Variants in RYR1 observed in about 807,000 individuals in gnomAD.
RYR1 encodes central core disease of muscle.
RYR1 carries 342 observed loss-of-function variants against 583.5 expected under a neutral mutation model. That is an observed-to-expected ratio of 0.59 (90% CI 0.54 to 0.64). RYR1 has a LOEUF of 0.64. Ranked by LOEUF, RYR1 falls within the 30% of genes least tolerant of loss-of-function variation. The probability of loss-of-function intolerance (pLI) is 0.00; values close to 1 mark genes in which losing one functional copy is unlikely to be tolerated. For synonymous variants in RYR1, 2,791 were observed against 2,822.5 expected, an observed-to-expected ratio of 0.99 and a Z score of 0.35; for missense variants, 6,032 against 6,917.2, an observed-to-expected ratio of 0.87 and a Z score of 4.54.
chr19:38,501,279 CA>C (rs1289371022), intron 47 of RYR1, among the ~76,000 whole-genome samples: 1 of 152,032 alleles, frequency 6.6e-6, no homozygotes. Flanking sequence ...GCGAGCGGAT[CA>C]CAAGGTCAGG....
intron 31 of RYR1, among the ~76,000 whole-genome samples, chr19:38,482,366 GAC>G (rs1969051459): frequency 6.6e-6 from 1 of 152,142 alleles, no homozygotes; most frequent in African/African-American, 2.4e-5. Flanking sequence ...CTGCTTCAGA[GAC>G]AATGTTGTTT....
chr19:38,553,541 T>G (rs1972756003), intron 89 of RYR1, among the ~76,000 whole-genome samples: 1 of 151,294 alleles, frequency 6.6e-6, no homozygotes, highest in African/African-American at 2.4e-5. Context: ...TCCCAGCTCC[T>G]CTGGAGGCTG....
At position 38,578,124 on chromosome 19, in the gene RYR1, C is replaced by T; in HGVS notation, c.14304-20C>T. 1 of 1,524,578 alleles carries T rather than the reference C, an allele frequency of 6.6e-7. No individual in the cohort carries two copies. Among genetic ancestry groups the T allele is most frequent in the Non-Finnish European group, 9.1e-7 (1 of 1,098,738 alleles). 94.4% of individuals were successfully genotyped at this position (1,524,578 alleles called of 1,614,324 possible). ...TGGAGTCTGACACTCAAGCATCTCT[C>T]CCCACCCCCGCCCCCACAGGCTCAT... is the stretch of plus-strand genomic sequence containing the variant. On this transcript the variant is annotated intron_variant, in intron 98 of 105. Coordinates refer to ENST00000359596, the MANE Select transcript of RYR1 (RefSeq NM_000540.3).
intron 84 of RYR1, among the ~76,000 whole-genome samples, chr19:38,540,353 C>T (rs1032168708): frequency 6.7e-6 from 1 of 149,140 alleles, no homozygotes; most frequent in Non-Finnish European, 1.5e-5. Context: ...AATAAACCTC[C>T]AATCATATAC....
chr19:38,503,230 A>G (rs1441179559), intron 49 of RYR1, among the ~76,000 whole-genome samples: 1 of 152,200 alleles, frequency 6.6e-6, no homozygotes, highest in African/African-American at 2.4e-5. Context: ...CCCCCGCTTC[A>G]ATTAGCATAT....
Position 38,500,837 on chromosome 19 carries a change from G to T in RYR1, c.7461G>T (p.Gln2487His), listed in dbSNP as rs768647526. Residue 2487 changes from glutamine to histidine, a missense_variant, in exon 47 of 106, where the codon CAG becomes CAT. Gln to His is a conservative substitution (Grantham distance 24). Transcript: ENST00000359596. The surrounding 1 kb of genome is among the most constrained non-coding windows in gnomAD (Gnocchi z 5.9). Reference sequence around the variant, plus strand: ...TGCCTGCAGATGGGGCTCTGGTGCAGCCAAAGATGTCAGCATCCTTCGTGC... The same window carrying T: ...TGCCTGCAGATGGGGCTCTGGTGCATCCAAAGATGTCAGCATCCTTCGTGC... ...PTLGKDGALVQPKMSASFVPD... is the reference protein window; with the variant it reads ...PTLGKDGALVHPKMSASFVPD... The T allele has an allele frequency of 1.2e-6, 2 of 1,613,734 alleles. No individual in the cohort carries two copies. The highest frequency in any genetic ancestry group is 2.2e-5 in the East Asian group (1 of 44,844).
chr19:38,492,376 AAGG>A, intron 37 of RYR1, 111 bp from the exon 38 acceptor site: 1 of 1,198,602 alleles, frequency 8.3e-7, no homozygotes, highest in South Asian at 1.4e-5. Context: ...AAAAAAAAAA[AAGG>A]AAATGAAAAA....
At chr19:38,489,578 A>G (rs752319984) in intron 35 of RYR1, 135 bp downstream of exon 35, 21 of 902,924 alleles carry the variant, frequency 2.3e-5, no homozygotes, top group Non-Finnish European at 3.7e-5. Context: ...AGCAATGCCA[A>G]CTTGGAAAGA....
intron 28 of RYR1, 41 bp from the exon 29 acceptor site, chr19:38,475,277 T>C: frequency 6.4e-7 from 1 of 1,552,374 alleles, no homozygotes; most frequent in Non-Finnish European, 8.7e-7. Context: ...AGGGCTGGGC[T>C]TGAAAGCTGG....
rs1970337725 is a variant in RYR1 at position 38,504,263 on chromosome 19, T to A, written c.7970T>A (p.Leu2657Gln). The change falls in exon 50 of 106, where the codon CTA (leucine) becomes CAA (glutamine). Residue 2657 changes from leucine (L) to glutamine (Q), a missense_variant. Coordinates refer to ENST00000359596, the MANE Select transcript of RYR1 (RefSeq NM_000540.3). Reference sequence around the variant, plus strand: ...GAGCGCTGTTGGAAGTACTACTGCCTACCCACGGGCTGGGCCAACTTCGGG... The same window carrying A: ...GAGCGCTGTTGGAAGTACTACTGCCAACCCACGGGCTGGGCCAACTTCGGG... ...HYERCWKYYC[L>Q]PTGWANFGVT... The A allele has an allele frequency of 1.1e-5, 18 of 1,614,086 alleles. No individual in the cohort carries two copies. Among genetic ancestry groups the A allele is most frequent in the Non-Finnish European group, 1.4e-5 (16 of 1,180,008 alleles).
chr19:38,459,078 C>G (rs547641224), intron 18 of RYR1, 68 bp from the exon 19 acceptor site: 1 of 1,399,298 alleles, frequency 7.1e-7, no homozygotes. Flanking sequence ...ATATCTGTCC[C>G]TTTTCTCTTG....
At chr19:38,569,518 TCACTC>T (rs1973616053) in intron 93 of RYR1, among the ~76,000 whole-genome samples, 1 of 151,214 alleles carries the variant, frequency 6.6e-6, no homozygotes, top group South Asian at 2.1e-4. Context: ...TTGTGTCACT[TCACTC>T]CAACCTGGGT....
chr19:38,514,805 C>T (rs937746439), intron 63 of RYR1, among the ~76,000 whole-genome samples: 12 of 152,066 alleles, frequency 7.9e-5, no homozygotes, highest in Admixed American at 6.6e-4. Context: ...ACGACCACCC[C>T]GTGAGGAAGG....
intron 29 of RYR1, among the ~76,000 whole-genome samples, chr19:38,476,685 C>T (rs752979589): frequency 1.4e-4 from 22 of 152,258 alleles, no homozygotes; most frequent in Non-Finnish European, 2.8e-4. Flanking sequence ...CCAGTACCAG[C>T]CCACAGCCTG....
At position 38,586,087 on chromosome 19, in the gene RYR1, A is replaced by C; in HGVS notation, c.14869-4A>C. ...TCCACTCTGATGTCTCTTGCCACTCACAGACCAAGTGCTTCATCTGTGGAA... is the reference window on the plus strand; with the variant it reads ...TCCACTCTGATGTCTCTTGCCACTCCCAGACCAAGTGCTTCATCTGTGGAA... On this transcript the variant is annotated splice_polypyrimidine_tract_variant and splice_region_variant and intron_variant, in intron 103 of 105. Transcript: ENST00000359596. 1.2e-6 allele frequency: 2 copies of C among 1,614,164 alleles called. No homozygotes were observed. Among genetic ancestry groups the C allele is most frequent in the Non-Finnish European group, 1.7e-6 (2 of 1,180,026 alleles).
chr19:38,520,884 A>G (rs1169050635), intron 67 of RYR1, among the ~76,000 whole-genome samples: 1 of 152,144 alleles, frequency 6.6e-6, no homozygotes, highest in East Asian at 1.9e-4. Flanking sequence ...GCACAATGTG[A>G]TTGGCTTTCA....
chr19:38,586,150 C>A lies in RYR1; in HGVS notation c.14928C>A (p.Phe4976Leu), dbSNP rs368874586. Reference protein sequence around the residue: ...SDYFDTTPHGFETHTLEEHNL... With the variant: ...SDYFDTTPHGLETHTLEEHNL... ...ACTTTGATACGACACCGCATGGCTT[C>A]GAGACTCACACGCTGGAGGAGCACA... Residue 4976 changes from phenylalanine to leucine, a missense_variant, in exon 104 of 106, where the codon TTC becomes TTA. By Grantham distance (22) the Phe-to-Leu change is conservative (BLOSUM62 0). Coordinates refer to ENST00000359596, the MANE Select transcript of RYR1 (RefSeq NM_000540.3). The A allele has an allele frequency of 1.2e-6, 2 of 1,613,890 alleles. No individual in the cohort carries two copies. Among genetic ancestry groups the A allele is most frequent in the Non-Finnish European group, 1.7e-6 (2 of 1,180,036 alleles).
In RYR1 at chr19:38,543,316, G is replaced by T. The variant is rs778622658; in HGVS notation, c.11690-31G>T. On this transcript the variant is annotated intron_variant, in intron 84 of 105. Transcript: ENST00000359596. This position sits in a 1 kb window ranked among gnomAD's most constrained non-coding sequence, Gnocchi z 4.4. The stretch of plus-strand genomic sequence containing the variant: ...GTTCATCTCCCCTAGCACATGGGAG[G>T]TGCTGGATAAATGACTTTTCATCTC... 4 of 1,586,992 alleles carry T rather than the reference G, an allele frequency of 2.5e-6. No individual in the cohort carries two copies. The highest frequency in any genetic ancestry group is 1.1e-5 in the South Asian group (1 of 90,472).
chr19:38,585,861 TG>T, intron 102 of RYR1, 76 bp from the exon 103 acceptor site: 1 of 1,556,822 alleles, frequency 6.4e-7, no homozygotes, highest in Non-Finnish European at 8.9e-7. Context: ...GGGCAAGCCC[TG>T]GAGGTAGGTA....
Sources: allele counts gnomAD v4.1 joint callset (sites outside exome capture counted in the v4.1 genomes callset), GRCh38; gene constraint gnomAD v4.1.1; non-coding constraint Gnocchi (gnomAD v3.1); transcripts MANE v1.5; gene names NCBI Gene and HGNC (gene_info 2026-07-23, HGNC 2026-07-21).